The following RGS3 variants were observed in gnomAD, a reference collection of about 807,000 sequenced individuals.
RGS3 encodes the protein regulator of G-protein signalling 3.
In RGS3, 80 loss-of-function variants were observed where a neutral mutation model predicts 132.6. The observed-to-expected ratio is 0.60, with a 90% CI of 0.50 to 0.73. The LOEUF is 0.73. Ranked by LOEUF, RGS3 falls within the 30% of genes least tolerant of loss-of-function variation. RGS3 has a pLI of 0.00. For missense variants in RGS3, 1,382 were observed against 1,530.8 expected (o/e 0.90, Z 1.62); for synonymous variants, 598 against 620.6 (o/e 0.96, Z 0.54).
At chr9:113,590,562 A>G (rs903796586) in intron 20 of RGS3, among the ~76,000 whole-genome samples, 6 of 136,396 alleles carry the variant, frequency 4.4e-5, no homozygotes, top group Admixed American at 1.4e-4. Context: ...CCACATATCC[A>G]TCCATCCATC....
intron 18 of RGS3, among the ~76,000 whole-genome samples, chr9:113,532,982 C>G (rs1240319598): frequency 6.6e-6 from 1 of 152,220 alleles, no homozygotes; most frequent in Non-Finnish European, 1.5e-5. Context: ...AGCATTCCTG[C>G]CAGCCACAGG....
At chr9:113,593,844 C>T in intron 21 of RGS3, 1 of 1,432,030 alleles carries the variant, frequency 7.0e-7, no homozygotes, top group African/African-American at 1.4e-5. Context: ...TGGGCAGTGC[C>T]TCCCCTGGCT....
Position 113,565,597 on chromosome 9 carries a change from C to T in RGS3, c.2038-17853C>T, listed in dbSNP as rs568713053. The T allele has an allele frequency of 5.3e-5, 13 of 246,516 alleles. No homozygotes were observed. The highest frequency in any genetic ancestry group is 1.5e-4 in the Admixed American group (3 of 19,358). 15.3% of individuals were successfully genotyped at this position (246,516 alleles called of 1,614,324 possible). ...AGGAGCTCTGTCTGGGGAAGGCAGC[C>T]GCTTGACACGGCCGCCAGGAGCTGC... is the stretch of plus-strand genomic sequence containing the variant. On this transcript the variant is annotated intron_variant, in intron 19 of 24. Transcript: ENST00000350696. This position sits in a 1 kb window ranked among gnomAD's most constrained non-coding sequence, Gnocchi z 5.7.
intron 19 of RGS3, among the ~76,000 whole-genome samples, chr9:113,550,580 A>G (rs1203042524): frequency 6.6e-6 from 1 of 152,194 alleles, no homozygotes; most frequent in Non-Finnish European, 1.5e-5. Context: ...CCTTTTTAGC[A>G]TTGAAAATCT....
chr9:113,529,650 T>C (rs1832381801), intron 18 of RGS3, among the ~76,000 whole-genome samples: 1 of 152,232 alleles, frequency 6.6e-6, no homozygotes, highest in East Asian at 1.9e-4. Context: ...TGCTTCCACG[T>C]TTTCCAGGAA....
At chr9:113,457,087 C>T (rs575054415), upstream of RGS3, among the ~76,000 whole-genome samples, 54 of 152,288 alleles carry the variant, frequency 3.5e-4, no homozygotes, top group Admixed American at 3.3e-4. Flanking sequence ...TGAGTCACCG[C>T]GCCTGGCCGA....
intron 18 of RGS3, among the ~76,000 whole-genome samples, chr9:113,533,843 G>A (rs1832571528): frequency 6.6e-6 from 1 of 152,192 alleles, no homozygotes; most frequent in African/African-American, 2.4e-5. Flanking sequence ...CTTCTCCCTG[G>A]GAAATCTTGG....
rs540896238 is a variant in RGS3 at position 113,479,350 on chromosome 9, T to C, written c.416-141T>C. ...GGGCTGAACCCTGTGGCTTCTGAGGTCCCTGCCAGCCAGAGACTTGTGTGA... is the reference window on the plus strand; with the variant it reads ...GGGCTGAACCCTGTGGCTTCTGAGGCCCCTGCCAGCCAGAGACTTGTGTGA... On this transcript the variant is annotated intron_variant, in intron 3 of 24. Coordinates refer to ENST00000350696, the Ensembl canonical transcript of RGS3. The C allele has an allele frequency of 7.6e-5, 64 of 837,272 alleles. No homozygotes were observed. In the African/African-American group the frequency reaches 1.0e-3, roughly 13 times the overall value. The allele number at this position is 837,272 out of a possible 1,614,324, so 51.9% of individuals were successfully genotyped here. A position where few individuals can be genotyped will look rare whatever the true frequency, so the allele number is the denominator to read the frequency against.
chr9:113,469,175 G>A (rs373363002), intron 3 of RGS3, among the ~76,000 whole-genome samples: 1 of 151,242 alleles, frequency 6.6e-6, no homozygotes, highest in South Asian at 2.1e-4. Flanking sequence ...TAGTGAGAGT[G>A]AAGCTTGGGA....
chr9:113,549,966 T>C (rs185980614), intron 19 of RGS3, among the ~76,000 whole-genome samples: 1 of 152,174 alleles, frequency 6.6e-6, no homozygotes, highest in Non-Finnish European at 1.5e-5. Context: ...ATTGCACCAC[T>C]GCACTCCAGC....
At chr9:113,449,650 A>C (rs1261304346) in intron 1 of RGS3, among the ~76,000 whole-genome samples, 1 of 152,300 alleles carries the variant, frequency 6.6e-6, no homozygotes, top group Non-Finnish European at 1.5e-5. Flanking sequence ...CATAGGGATT[A>C]TTTAAGGATA....
At chr9:113,505,461 A>G in exon 11 of RGS3, 1 of 1,614,174 alleles carries the variant, frequency 6.2e-7, no homozygotes, top group Non-Finnish European at 8.5e-7. Context: ...CCGAGGGGAA[A>G]GGACGGCTTT....
At chr9:113,543,924 C>A (rs1381859325) in intron 19 of RGS3, among the ~76,000 whole-genome samples, 1 of 152,218 alleles carries the variant, frequency 6.6e-6, no homozygotes, top group Non-Finnish European at 1.5e-5. Flanking sequence ...TGCTGCTCTG[C>A]CTCTCAAATC....
chr9:113,583,375 G>A (rs1564605060), intron 19 of RGS3, 75 bp from the exon 18 acceptor site: 4 of 1,542,106 alleles, frequency 2.6e-6, no homozygotes, highest in Non-Finnish European at 3.5e-6. Flanking sequence ...CTGATTTCAT[G>A]TCAGCTCATG....
chr9:113,557,494 C>CCCACTCCATATG (rs1400422796), intron 19 of RGS3, among the ~76,000 whole-genome samples: 1 of 152,196 alleles, frequency 6.6e-6, no homozygotes, highest in Non-Finnish European at 1.5e-5. Context: ...ATATGCCTCT[C>CCCACTCCATATG]CCTGGAGTGG....
At chr9:113,499,262 C>T (rs1284577445) in intron 10 of RGS3, among the ~76,000 whole-genome samples, 1 of 151,692 alleles carries the variant, frequency 6.6e-6, no homozygotes, top group Non-Finnish European at 1.5e-5. Context: ...AAACAAACTC[C>T]CAGCAATTCA....
At chr9:113,468,748 G>A (rs766508046) in intron 3 of RGS3, among the ~76,000 whole-genome samples, 1 of 152,196 alleles carries the variant, frequency 6.6e-6, no homozygotes, top group South Asian at 2.1e-4. Flanking sequence ...TGGATATGGT[G>A]AGTGGTCAGG....
chr9:113,445,949 G>C (rs935119103), intron 1 of RGS3, among the ~76,000 whole-genome samples: 21 of 152,276 alleles, frequency 1.4e-4, no homozygotes, highest in Middle Eastern at 6.8e-3. Context: ...AAAATGCCGG[G>C]ATTACAGGCG....
At position 113,553,490 on chromosome 9, in the gene RGS3, A is replaced by G. The variant is rs1391123207; in HGVS notation, c.2037+16572A>G. Among the ~76,000 whole-genome samples, 7 of 118,308 alleles carry G rather than the reference A, an allele frequency of 5.9e-5. No homozygotes were observed. In the South Asian group the frequency reaches 1.1e-3, roughly 19 times the overall value. 77.6% of individuals were successfully genotyped at this position (118,308 alleles called of 152,430 possible). A position where few individuals can be genotyped will look rare whatever the true frequency, so the allele number is the denominator to read the frequency against. On this transcript the variant is annotated intron_variant, in intron 19 of 24. Coordinates refer to ENST00000350696, the Ensembl canonical transcript of RGS3. ...TATATATATATATATATATATATAT[A>G]TGTATATATAATATTATATATAAAT...
Sources: gnomAD v4.1 joint callset for allele counts (sites outside exome capture counted in the v4.1 genomes callset) on GRCh38, gnomAD v4.1.1 for gene constraint, Gnocchi (gnomAD v3.1) non-coding constraint, MANE v1.5 for transcripts, NCBI Gene and HGNC (gene_info 2026-07-23, HGNC 2026-07-21) for gene names.